STAG1: variants seen among roughly 807,000 people sequenced by gnomAD.
STAG1 encodes cohesin subunit SA-1.
In STAG1, 26 loss-of-function variants were observed where a neutral mutation model predicts 170.9. That is an observed-to-expected ratio of 0.15 (90% confidence interval 0.11 to 0.21). The LOEUF is 0.21. STAG1 is among the 10% of genes least tolerant of loss of function. The pLI, the probability that STAG1 is intolerant of heterozygous loss-of-function variation, is 1.00. For missense variants in STAG1, 964 were observed against 1,509.5 expected (o/e 0.64, Z 5.99); for synonymous variants, 514 against 497.7 (o/e 1.03, Z -0.44).
chr3:136,677,924 T>C (rs1435365892), intron 1 of STAG1, among the ~76,000 whole-genome samples: 2 of 147,448 alleles, frequency 1.4e-5, no homozygotes, highest in African/African-American at 4.9e-5. Flanking sequence ...TATTTAGTAC[T>C]TTGATATATA....
At chr3:136,674,227 C>T (rs997373263) in intron 1 of STAG1, among the ~76,000 whole-genome samples, 49 of 142,816 alleles carry the variant, frequency 3.4e-4, no homozygotes, top group African/African-American at 1.2e-3. Flanking sequence ...TTCAAAAGAG[C>T]CCAAAATTGA....
rs559213913 is a variant in STAG1 at position 136,370,975 on chromosome 3, C to T, written c.2371-1693G>A. Reference sequence around the variant, plus strand: ...TGGTTGAACTAGTTTATAGTCCCACCAACAATGTAAGTGTTCCTATTTCTC... The same window carrying T: ...TGGTTGAACTAGTTTATAGTCCCACTAACAATGTAAGTGTTCCTATTTCTC... On this transcript the variant is annotated intron_variant, in intron 23 of 33. Transcript: ENST00000383202. Among the ~76,000 whole-genome samples, 54 of 152,166 alleles carry T rather than the reference C, an allele frequency of 3.5e-4. 1 individual carries two copies. Among genetic ancestry groups the T allele is most frequent in the Admixed American group, 1.9e-3 (29 of 15,274 alleles).
intron 1 of STAG1, among the ~76,000 whole-genome samples, chr3:136,673,182 C>A (rs1026090580): frequency 6.6e-6 from 1 of 152,162 alleles, no homozygotes; most frequent in Non-Finnish European, 1.5e-5. Context: ...CTAGAAGCAG[C>A]AAAGTTGAAT....
intron 22 of STAG1, among the ~76,000 whole-genome samples, chr3:136,398,384 C>T (rs111822807): frequency 0.06 from 9,162 of 152,216 alleles, 361 homozygotes; most frequent in Non-Finnish European, 0.093. Flanking sequence ...TCCCAAAGTG[C>T]TGGGATTATA....
chr3:136,338,450 G>C lies in STAG1; in HGVS notation c.3673C>G (p.Pro1225Ala). 1 of 1,612,338 alleles carries C rather than the reference G, an allele frequency of 6.2e-7. No individual in the cohort carries two copies. The highest frequency in any genetic ancestry group is 8.5e-7 in the Non-Finnish European group (1 of 1,178,572). ...EFEDTMVIDL[P>A]PSRNRRERAE... is the part of the protein sequence containing the mutation. ...CTCTCTCGCCGATTTCTTGATGGAG[G>C]CTGGAAAGAGAAATCGGTTTCTTAA... The change falls in exon 33 of 34, where the codon CCT (proline) becomes GCT (alanine). Residue 1225 changes from proline (P) to alanine (A), a missense_variant and splice_region_variant. Pro to Ala is a conservative substitution (Grantham distance 27). Coordinates refer to ENST00000383202, the MANE Select transcript of STAG1 (RefSeq NM_005862.3).
intron 1 of STAG1, among the ~76,000 whole-genome samples, chr3:136,737,943 T>C (rs1378124194): frequency 6.6e-6 from 1 of 150,756 alleles, no homozygotes; most frequent in Admixed American, 6.6e-5. Flanking sequence ...TGGTGTGCAC[T>C]GGTAATCTCA....
At chr3:136,586,408 T>C (rs771021280) in intron 4 of STAG1, among the ~76,000 whole-genome samples, 1 of 152,176 alleles carries the variant, frequency 6.6e-6, no homozygotes, top group East Asian at 1.9e-4. Context: ...GGACTTAATA[T>C]TATCTAAAAC....
intron 7 of STAG1, among the ~76,000 whole-genome samples, chr3:136,516,009 A>C (rs1274648249): frequency 6.6e-6 from 1 of 152,312 alleles, no homozygotes; most frequent in East Asian, 1.9e-4. Context: ...CTCTAGAAGA[A>C]TTTTGAAAAA....
At chr3:136,471,744 AT>A (rs1047219750) in intron 12 of STAG1, among the ~76,000 whole-genome samples, 2 of 152,020 alleles carry the variant, frequency 1.3e-5, no homozygotes, top group African/African-American at 4.8e-5. Flanking sequence ...TAATTGCTTT[AT>A]TTTTTTCTTC....
intron 30 of STAG1, among the ~76,000 whole-genome samples, chr3:136,342,226 A>C (rs148560226): frequency 6.6e-6 from 1 of 151,866 alleles, no homozygotes; most frequent in Non-Finnish European, 1.5e-5. Context: ...TCACCATGTT[A>C]GTTAGGATGG....
At chr3:136,464,791 T>G in intron 13 of STAG1, 90 bp downstream of exon 13, 1 of 1,039,790 alleles carries the variant, frequency 9.6e-7, no homozygotes, top group Non-Finnish European at 1.4e-6. Context: ...AGCACTGTGT[T>G]CAGTCACTAT....
At chr3:136,648,905 A>C (rs1375461212) in intron 1 of STAG1, among the ~76,000 whole-genome samples, 1 of 152,200 alleles carries the variant, frequency 6.6e-6, no homozygotes, top group Non-Finnish European at 1.5e-5. Context: ...TAAAATATTT[A>C]ATCACACCAG....
chr3:136,719,663 G>C (rs1385594291), intron 1 of STAG1, among the ~76,000 whole-genome samples: 1 of 104,922 alleles, frequency 9.5e-6, no homozygotes, highest in Non-Finnish European at 1.9e-5. Flanking sequence ...GGGTGGGTGG[G>C]TAGGTGGGTG....
intron 23 of STAG1, among the ~76,000 whole-genome samples, chr3:136,373,391 C>G (rs1475738940): frequency 1.3e-5 from 2 of 152,144 alleles, no homozygotes; most frequent in Non-Finnish European, 1.5e-5. Context: ...CGTCTGCTAG[C>G]TTTTGAATGT....
intron 1 of STAG1, among the ~76,000 whole-genome samples, chr3:136,661,791 G>C (rs1272207110): frequency 6.6e-6 from 1 of 152,172 alleles, no homozygotes; most frequent in Non-Finnish European, 1.5e-5. Context: ...TTAAGCACTT[G>C]TAAGCAACTA....
chr3:136,666,297 G>A (rs1025206318), intron 1 of STAG1, among the ~76,000 whole-genome samples: 15 of 151,788 alleles, frequency 9.9e-5, no homozygotes, highest in African/African-American at 3.1e-4. Context: ...CCAACACCTC[G>A]ATTTTGGTCT....
In STAG1 at chr3:136,359,225, T is replaced by C; in HGVS notation, c.2859A>G (p.Lys953=). 2 of 1,613,910 alleles carry C rather than the reference T, an allele frequency of 1.2e-6. No homozygotes were observed. The highest frequency in any genetic ancestry group is 1.7e-6 in the Non-Finnish European group (2 of 1,179,820). Residue 953 remains lysine (K), a synonymous_variant, in exon 27 of 34, where the codon AAA becomes AAG. Coordinates refer to ENST00000383202, the MANE Select transcript of STAG1 (RefSeq NM_005862.3). ...TAAGGGCAAAGCGACGTGCCAGTTC[T>C]TTAATGCCACTGACATGGGCAGATG... is the stretch of plus-strand genomic sequence containing the variant. The part of the protein sequence containing the change: ...DRTSAHVSGI[K]ELARRFALTF...
intron 4 of STAG1, among the ~76,000 whole-genome samples, chr3:136,583,257 CCTTCTCATT>C (rs1937634577): frequency 6.6e-6 from 1 of 152,060 alleles, no homozygotes; most frequent in South Asian, 2.1e-4. Flanking sequence ...CACTCAGAAT[CCTTCTCATT>C]CTAACTTTTT....
At chr3:136,644,634 G>A (rs1940931625) in intron 1 of STAG1, among the ~76,000 whole-genome samples, 1 of 152,134 alleles carries the variant, frequency 6.6e-6, no homozygotes, top group Admixed American at 6.5e-5. Flanking sequence ...AGGCTGTTAT[G>A]TGGAATTAAC....
Sources: gnomAD v4.1 joint callset for allele counts (sites outside exome capture counted in the v4.1 genomes callset) on GRCh38, gnomAD v4.1.1 for gene constraint, MANE v1.5 for transcripts, NCBI Gene and HGNC (gene_info 2026-07-23, HGNC 2026-07-21) for gene names.